Variants in MYADM observed in about 807,000 individuals in gnomAD.
The protein encoded by MYADM is myeloid-associated differentiation marker.
For missense variants in MYADM, 416 were observed against 443.4 expected (o/e 0.94, Z 0.56); for synonymous variants, 224 against 210.2 (o/e 1.07, Z -0.57).
chr19:53,873,870 T>C lies in MYADM; in HGVS notation c.341T>C (p.Leu114Pro). 1.2e-6 allele frequency: 2 copies of C among 1,613,384 alleles called. No homozygotes were observed. Among genetic ancestry groups the C allele is most frequent in the Admixed American group, 3.3e-5 (2 of 60,032 alleles). The part of the protein sequence containing the change: ...TFACYAALFC[L>P]SASIIYPTTY... ...GCCTGCTATGCGGCCCTCTTCTGCC[T>C]CTCGGCCTCCATCATCTACCCCACC... The change falls in exon 3 of 3, where the codon CTC becomes CCC. Residue 114 changes from leucine (L) to proline (P), a missense_variant. Coordinates refer to ENST00000391770, the MANE Select transcript of MYADM (RefSeq NM_138373.5). This position sits in a 1 kb window ranked among gnomAD's most constrained non-coding sequence, Gnocchi z 4.3.
chr19:53,867,869 C>T (rs1228540831), upstream of MYADM: 1 of 152,316 alleles, frequency 6.6e-6, no homozygotes, highest in African/African-American at 2.4e-5. Flanking sequence ...GCCCTCCAAC[C>T]CCACCCAGCC....
upstream of MYADM, among the ~76,000 whole-genome samples, chr19:53,867,365 G>A (rs911187102): frequency 2.0e-5 from 3 of 151,920 alleles, no homozygotes; most frequent in African/African-American, 2.4e-5. Context: ...CCCCCAATCC[G>A]CTGCGACCCA....
At chr19:53,870,942 C>T (rs1040184013) in intron 2 of MYADM, among the ~76,000 whole-genome samples, 1 of 152,076 alleles carries the variant, frequency 6.6e-6, no homozygotes, top group Non-Finnish European at 1.5e-5. Context: ...TATAACAGGA[C>T]GGTGATGGCC....
chr19:53,874,556 T>C lies in MYADM; in HGVS notation c.*58T>C. 1 of 1,507,392 alleles carries C rather than the reference T, an allele frequency of 6.6e-7. No individual in the cohort carries two copies. The highest frequency in any genetic ancestry group is 8.9e-7 in the Non-Finnish European group (1 of 1,128,292). The allele number at this position is 1,507,392 out of a possible 1,614,324, so 93.4% of individuals were successfully genotyped here. A position where few individuals can be genotyped will look rare whatever the true frequency, so the allele number is the denominator to read the frequency against. On this transcript the variant is annotated 3_prime_UTR_variant, in exon 3 of 3. Transcript: ENST00000391770. ...ACCTCTTTGTTCTTCTTGCCCGAGT[T>C]TTCTTTATGGAGTACTTCTTTCCTC... is the stretch of plus-strand genomic sequence containing the variant.
rs1161036916 is a variant in MYADM, at chr19:53,868,318, C to T, written c.-88+375C>T. Among the ~76,000 whole-genome samples the T allele has an allele frequency of 6.6e-6, 1 of 151,564 alleles. No individual in the cohort carries two copies. Among genetic ancestry groups the T allele is most frequent in the Non-Finnish European group, 1.5e-5 (1 of 67,882 alleles). ...ACTCCTGAGTCTGAGGGAGGAGGGG[C>T]TGGGTCTGCGGGAGTAGAGAGATGG... On this transcript the variant is annotated intron_variant, in intron 1 of 2. Coordinates refer to ENST00000391770, the MANE Select transcript of MYADM (RefSeq NM_138373.5). The surrounding 1 kb of genome is among the most constrained non-coding windows in gnomAD (Gnocchi z 6.3).
intron 2 of MYADM, among the ~76,000 whole-genome samples, chr19:53,871,171 C>T (rs2068377837): frequency 6.6e-6 from 1 of 152,156 alleles, no homozygotes; most frequent in African/African-American, 2.4e-5. Context: ...GCGGAGGTTG[C>T]CGTGAGTCAA....
Position 53,874,052 on chromosome 19 carries a change from C to G in MYADM, c.523C>G (p.Leu175Val). The G allele has an allele frequency of 6.2e-7, 1 of 1,610,108 alleles. No homozygotes were observed. Among genetic ancestry groups the G allele is most frequent in the Non-Finnish European group, 8.5e-7 (1 of 1,180,002 alleles). The change falls in exon 3 of 3, where the codon CTG (leucine) becomes GTG (valine). Residue 175 changes from leucine to valine, a missense_variant. Physicochemically the swap from Leu to Val is conservative, Grantham distance 32. Transcript: ENST00000391770. Reference protein sequence around the residue: ...ITGYMATVPGLLKVLETFVAC... With the variant: ...ITGYMATVPGVLKVLETFVAC... ...TGGCTATATGGCCACCGTACCCGGG[C>G]TGCTGAAGGTGCTGGAGACCTTCGT... is the stretch of plus-strand genomic sequence containing the variant.
chr19:53,874,252 G>A lies in MYADM; in HGVS notation c.723G>A (p.Ser241=), dbSNP rs2068469486. The change falls in exon 3 of 3, where the codon TCG becomes TCA. Residue 241 remains serine (S), a synonymous_variant. Coordinates refer to ENST00000391770, the MANE Select transcript of MYADM (RefSeq NM_138373.5). The part of the protein sequence containing the change: ...VLPIPFPSFL[S]GLALLSVLLY... ...CCATCCCCTTCCCCAGCTTCCTGTCGGGGCTGGCCTTGCTGTCTGTCCTCC... is the reference window on the plus strand; with the variant it reads ...CCATCCCCTTCCCCAGCTTCCTGTCAGGGCTGGCCTTGCTGTCTGTCCTCC... 6.2e-7 allele frequency: 1 copy of A among 1,609,924 alleles called. No individual in the cohort carries two copies. The highest frequency in any genetic ancestry group is 8.5e-7 in the Non-Finnish European group (1 of 1,177,176).
At chr19:53,872,368 G>T (rs1190840596) in intron 2 of MYADM, among the ~76,000 whole-genome samples, 2 of 151,886 alleles carry the variant, frequency 1.3e-5, no homozygotes, top group Non-Finnish European at 2.9e-5. Context: ...GATAATTTTT[G>T]TATTATTAGT....
In MYADM at chr19:53,874,779, T is replaced by TC; in HGVS notation, c.*281_*282insC. On this transcript the variant is annotated 3_prime_UTR_variant, in exon 3 of 3. Transcript: ENST00000391770. The stretch of plus-strand genomic sequence containing the variant: ...GTTTCTCTTTTTCTTTTCTTTTTTT[T>TC]TTTTTTTTTTTTTTAAGACGGATTC... The TC allele has an allele frequency of 1.0e-5, 2 of 192,772 alleles. No individual in the cohort carries two copies. The highest frequency in any genetic ancestry group is 6.2e-5 in the Admixed American group (1 of 16,240). The allele number at this position is 192,772 out of a possible 1,614,324, so 11.9% of individuals were successfully genotyped here. A position where few individuals can be genotyped will look rare whatever the true frequency, so the allele number is the denominator to read the frequency against.
rs2068432877 is a variant in MYADM, at chr19:53,873,377, A to T, written c.-2-151A>T. ...ACAGAGCAAGACTCTGTCTCAAAAAAAAAAAAAGAAAAGAAAACCGAAAGC... is the reference window on the plus strand; with the variant it reads ...ACAGAGCAAGACTCTGTCTCAAAAATAAAAAAAGAAAAGAAAACCGAAAGC... On this transcript the variant is annotated intron_variant, in intron 2 of 2. Coordinates refer to ENST00000391770, the MANE Select transcript of MYADM (RefSeq NM_138373.5). The surrounding 1 kb of genome is among the most constrained non-coding windows in gnomAD (Gnocchi z 4.3). Among the ~76,000 whole-genome samples, 2 of 151,940 alleles carry T rather than the reference A, an allele frequency of 1.3e-5. No homozygotes were observed. Among genetic ancestry groups the T allele is most frequent in the Non-Finnish European group, 2.9e-5 (2 of 67,966 alleles).
chr19:53,871,098 G>T (rs931815355), intron 2 of MYADM, among the ~76,000 whole-genome samples: 1 of 152,192 alleles, frequency 6.6e-6, no homozygotes, highest in African/African-American at 2.4e-5. Context: ...GAGCATGGTG[G>T]CACACACCTG....
Position 53,873,475 on chromosome 19 carries a change from T to C in MYADM, c.-2-53T>C. 1.3e-6 allele frequency: 2 copies of C among 1,525,472 alleles called. No homozygotes were observed. Among genetic ancestry groups the C allele is most frequent in the South Asian group, 1.3e-5 (1 of 77,310 alleles). The allele number at this position is 1,525,472 out of a possible 1,614,324, so 94.5% of individuals were successfully genotyped here. A position where few individuals can be genotyped will look rare whatever the true frequency, so the allele number is the denominator to read the frequency against. On this transcript the variant is annotated intron_variant, in intron 2 of 2. Transcript: ENST00000391770. This position sits in a 1 kb window ranked among gnomAD's most constrained non-coding sequence, Gnocchi z 4.3. ...TGGGGTAGGCAATGGCTAAGGGACC[T>C]GGATTCTTATGTTTGTGACTGTATA...
chr19:53,871,519 G>A (rs2068387848), intron 2 of MYADM, among the ~76,000 whole-genome samples: 2 of 152,174 alleles, frequency 1.3e-5, no homozygotes, highest in African/African-American at 4.8e-5. Context: ...GGGGGGTAGG[G>A]AGAGGAGGAG....
chr19:53,868,440 G>A lies in MYADM; in HGVS notation c.-88+497G>A, dbSNP rs1442855327. On this transcript the variant is annotated intron_variant, in intron 1 of 2. Transcript: ENST00000391770. This position sits in a 1 kb window ranked among gnomAD's most constrained non-coding sequence, Gnocchi z 6.3. ...GGTTAGGTGTCCTGGGTTTGGGAAT[G>A]AGAATGGAAGGAATTCAGAATTACT... 2.0e-5 allele frequency among the ~76,000 whole-genome samples: 3 copies of A among 152,084 alleles called. No homozygotes were observed. The highest frequency in any genetic ancestry group is 4.4e-5 in the Non-Finnish European group (3 of 68,008).
chr19:53,873,906 A>G lies in MYADM; in HGVS notation c.377A>G (p.Gln126Arg). ...ATCATCTACCCCACCACCTATGTCCAGTTCCTGTCCCACGGCCGTTCGCGG... is the reference window on the plus strand; with the variant it reads ...ATCATCTACCCCACCACCTATGTCCGGTTCCTGTCCCACGGCCGTTCGCGG... Reference protein sequence around the residue: ...ASIIYPTTYVQFLSHGRSRDH... With the variant: ...ASIIYPTTYVRFLSHGRSRDH... The change falls in exon 3 of 3, where the codon CAG (glutamine) becomes CGG (arginine). Residue 126 changes from glutamine (Q) to arginine (R), a missense_variant. Transcript: ENST00000391770. The surrounding 1 kb of genome is among the most constrained non-coding windows in gnomAD (Gnocchi z 4.3). 1 of 1,612,670 alleles carries G rather than the reference A, an allele frequency of 6.2e-7. No homozygotes were observed. The highest frequency in any genetic ancestry group is 8.5e-7 in the Non-Finnish European group (1 of 1,179,990).
upstream of MYADM, chr19:53,866,423 T>A (rs578129834): frequency 3.6e-4 from 54 of 152,034 alleles, no homozygotes; most frequent in African/African-American, 1.3e-3. The surrounding 1 kb of genome is among the most constrained non-coding windows in gnomAD (Gnocchi z 4.3). Context: ...GCGCGGTGAG[T>A]GAACGCGGCC....
chr19:53,866,478 C>T (rs2068246770), upstream of MYADM: 1 of 152,304 alleles, frequency 6.6e-6, no homozygotes, highest in Admixed American at 6.5e-5. This position sits in a 1 kb window ranked among gnomAD's most constrained non-coding sequence, Gnocchi z 4.3. Flanking sequence ...CTGCCCCTCC[C>T]CGGGGGCCCG....
upstream of MYADM, chr19:53,866,413 G>T: frequency 6.6e-6 from 1 of 152,288 alleles, no homozygotes; most frequent in Non-Finnish European, 1.5e-5. This position sits in a 1 kb window ranked among gnomAD's most constrained non-coding sequence, Gnocchi z 4.3. Flanking sequence ...CGACTGCAGA[G>T]CGCGGTGAGT....
Sources: allele counts gnomAD v4.1 joint callset (sites outside exome capture counted in the v4.1 genomes callset), GRCh38; gene constraint gnomAD v4.1.1; non-coding constraint Gnocchi (gnomAD v3.1); transcripts MANE v1.5; gene names NCBI Gene and HGNC (gene_info 2026-07-23, HGNC 2026-07-21).